The following TMEM17 variants were observed in gnomAD, a reference collection of about 807,000 sequenced individuals.
TMEM17 encodes the protein transmembrane protein 17.
In TMEM17, 15 loss-of-function variants were observed where a neutral mutation model predicts 19.1. That is an observed-to-expected ratio of 0.78 (90% CI 0.52 to 1.21). The LOEUF (loss-of-function observed/expected upper bound fraction) is 1.21. Among genes scored for constraint, TMEM17 ranks in the 50% most tolerant of loss-of-function variants. The probability of loss-of-function intolerance (pLI) is 0.00; values close to 1 mark genes in which losing one functional copy is unlikely to be tolerated. For missense variants in TMEM17, 245 were observed against 242.3 expected, an observed-to-expected ratio of 1.01 and a Z score of -0.07; for synonymous variants, 103 against 86.9, an observed-to-expected ratio of 1.19 and a Z score of -1.03.
the TMEM17 span, among the ~76,000 whole-genome samples, chr2:62,468,904 C>A: frequency 6.6e-6 from 1 of 152,140 alleles, no homozygotes; most frequent in Non-Finnish European, 1.5e-5. Flanking sequence ...GGAACAAGAA[C>A]CAAAGGTAAC....
chr2:62,470,383 A>G, the TMEM17 span, among the ~76,000 whole-genome samples: 1 of 152,236 alleles, frequency 6.6e-6, no homozygotes, highest in Non-Finnish European at 1.5e-5. Context: ...ACATGTTCCC[A>G]TGCAGAGTTC....
chr2:62,459,176 G>A, the TMEM17 span, among the ~76,000 whole-genome samples: 790 of 152,362 alleles, frequency 5.2e-3, 9 homozygotes, highest in African/African-American at 0.018. Flanking sequence ...CAGGTATTGG[G>A]AGTCAGAGGT....
intron 1 of TMEM17, among the ~76,000 whole-genome samples, chr2:62,504,075 C>G (rs1680001849): frequency 6.6e-6 from 1 of 152,142 alleles, no homozygotes; most frequent in Non-Finnish European, 1.5e-5. Context: ...GTCTTAAAAA[C>G]ATTATTTTCT....
the TMEM17 span, among the ~76,000 whole-genome samples, chr2:62,454,766 C>G: frequency 3.3e-5 from 5 of 152,132 alleles, no homozygotes; most frequent in Admixed American, 2.0e-4. Flanking sequence ...TGCAGTGGCA[C>G]GATCTCAGCT....
chr2:62,470,738 GA>G, the TMEM17 span, among the ~76,000 whole-genome samples: 1 of 152,182 alleles, frequency 6.6e-6, no homozygotes. Flanking sequence ...AGCTCCCAAA[GA>G]ACGGTCCAGG....
chr2:62,458,287 C>A, the TMEM17 span, among the ~76,000 whole-genome samples: 2 of 152,212 alleles, frequency 1.3e-5, no homozygotes, highest in Non-Finnish European at 2.9e-5. Flanking sequence ...CTTGATGGAG[C>A]ACGACAGGAA....
the TMEM17 span, among the ~76,000 whole-genome samples, chr2:62,476,692 AG>A: frequency 2.0e-5 from 3 of 152,340 alleles, no homozygotes; most frequent in South Asian, 6.2e-4. Context: ...TGGTATCCAA[AG>A]GGGTCTGGAA....
the TMEM17 span, among the ~76,000 whole-genome samples, chr2:62,472,137 T>C: frequency 1.3e-5 from 2 of 152,344 alleles, no homozygotes; most frequent in East Asian, 3.9e-4. Flanking sequence ...CGAGTTCTTT[T>C]TGGAAAATAG....
At chr2:62,462,955 C>T in the TMEM17 span, among the ~76,000 whole-genome samples, 2 of 152,180 alleles carry the variant, frequency 1.3e-5, no homozygotes, top group Non-Finnish European at 2.9e-5. Context: ...ATGTCCCCAC[C>T]TCTTTCCTTG....
chr2:62,494,442 A>G, the TMEM17 span, among the ~76,000 whole-genome samples: 1 of 152,132 alleles, frequency 6.6e-6, no homozygotes. Context: ...TGGTCATTTT[A>G]GTATTTCTAG....
chr2:62,473,772 C>T, the TMEM17 span, among the ~76,000 whole-genome samples: 2 of 152,220 alleles, frequency 1.3e-5, no homozygotes, highest in Non-Finnish European at 2.9e-5. Context: ...GTTGGTGGAA[C>T]TAATGACCTG....
the TMEM17 span, among the ~76,000 whole-genome samples, chr2:62,478,225 A>C: frequency 1.3e-5 from 2 of 152,186 alleles, no homozygotes; most frequent in Non-Finnish European, 2.9e-5. Flanking sequence ...GGATGCCTTG[A>C]CGGAGCCACA....
chr2:62,501,196 C>T lies in TMEM17; in HGVS notation c.*13G>A, dbSNP rs545900751. 39 of 1,607,906 alleles carry T rather than the reference C, an allele frequency of 2.4e-5. No homozygotes were observed. Among genetic ancestry groups the T allele is most frequent in the Non-Finnish European group, 2.9e-5 (34 of 1,175,676 alleles). ...TAGAATGATCTGTCAGATTTTCACT[C>T]AACAACACTGGATCAGATCTCTTCT... On this transcript the variant is annotated 3_prime_UTR_variant, in exon 4 of 4. Transcript: ENST00000335390.
At chr2:62,479,036 C>A in the TMEM17 span, among the ~76,000 whole-genome samples, 1 of 152,176 alleles carries the variant, frequency 6.6e-6, no homozygotes, top group African/African-American at 2.4e-5. Flanking sequence ...TTAGCATATG[C>A]GTCATCTCAA....
At chr2:62,492,153 T>C in the TMEM17 span, among the ~76,000 whole-genome samples, 2 of 152,160 alleles carry the variant, frequency 1.3e-5, no homozygotes, top group South Asian at 2.1e-4. Flanking sequence ...AATATATCTT[T>C]GGAGCATGTG....
the TMEM17 span, among the ~76,000 whole-genome samples, chr2:62,473,080 T>C: frequency 6.6e-6 from 1 of 152,218 alleles, no homozygotes; most frequent in African/African-American, 2.4e-5. Flanking sequence ...ATCAGGTGGC[T>C]TCTCACCTAG....
the TMEM17 span, among the ~76,000 whole-genome samples, chr2:62,456,089 C>T: frequency 3.9e-5 from 6 of 152,160 alleles, no homozygotes; most frequent in African/African-American, 1.2e-4. Flanking sequence ...AGAGGTTTAT[C>T]GGGTTCACTG....
chr2:62,498,172 G>T (rs1679817837), downstream of TMEM17, among the ~76,000 whole-genome samples: 1 of 144,438 alleles, frequency 6.9e-6, no homozygotes, highest in Admixed American at 7.0e-5. Flanking sequence ...ATCACTTCAG[G>T]TCAGGAATTC....
intron 1 of TMEM17, 48 bp downstream of exon 1, chr2:62,505,982 C>T: frequency 6.5e-7 from 1 of 1,536,286 alleles, no homozygotes; most frequent in East Asian, 2.4e-5. Flanking sequence ...AAATCCACGC[C>T]AAGCCCTCGG....
Sources: allele counts gnomAD v4.1 joint callset (sites outside exome capture counted in the v4.1 genomes callset), GRCh38; gene constraint gnomAD v4.1.1; transcripts MANE v1.5; gene names NCBI Gene and HGNC (gene_info 2026-07-23, HGNC 2026-07-21).